SND1: variants seen among roughly 807,000 people sequenced by gnomAD.
SND1 encodes staphylococcal nuclease domain-containing protein 1.
In SND1, 38 loss-of-function variants were observed where a neutral mutation model predicts 121.7. That is an observed-to-expected ratio of 0.31 (90% confidence interval 0.24 to 0.41). The LOEUF (loss-of-function observed/expected upper bound fraction) is 0.41. SND1 is among the 10% of genes least tolerant of loss of function. SND1 has a pLI of 1.00. For synonymous variants in SND1, 401 were observed against 447.4 expected (o/e 0.90, Z 1.31); for missense variants, 868 against 1,184.6 (o/e 0.73, Z 3.92).
chr7:128,041,785 C>T (rs1792859106), intron 16 of SND1, among the ~76,000 whole-genome samples: 1 of 152,194 alleles, frequency 6.6e-6, no homozygotes, highest in South Asian at 2.1e-4. Flanking sequence ...CCACAGGTAA[C>T]ATGACCACCT....
chr7:128,019,297 A>C (rs960367498), intron 16 of SND1, among the ~76,000 whole-genome samples: 1 of 152,202 alleles, frequency 6.6e-6, no homozygotes, highest in Non-Finnish European at 1.5e-5. Flanking sequence ...CTCTTTGGTT[A>C]TCTTTCTCTC....
intron 16 of SND1, among the ~76,000 whole-genome samples, chr7:128,043,633 C>T (rs1332296663): frequency 1.3e-5 from 2 of 151,056 alleles, no homozygotes; most frequent in Admixed American, 6.6e-5. Flanking sequence ...AATGGTGGTG[C>T]TGACAGGCCT....
chr7:128,029,795 G>A lies in SND1; in HGVS notation c.1779+38739G>A. On this transcript the variant is annotated intron_variant, in intron 16 of 23. Transcript: ENST00000354725. The surrounding 1 kb of genome is among the most constrained non-coding windows in gnomAD (Gnocchi z 4.2). ...ACCTCAGCGGGGTAAAGAGGTCATG[G>A]GGCAAAGAAGAGAGGTTATTGTGGG... 6.2e-7 allele frequency: 1 copy of A among 1,613,918 alleles called. No homozygotes were observed. Among genetic ancestry groups the A allele is most frequent in the Non-Finnish European group, 8.5e-7 (1 of 1,180,032 alleles).
chr7:127,761,765 C>G (rs760134725), intron 10 of SND1, among the ~76,000 whole-genome samples: 1 of 152,168 alleles, frequency 6.6e-6, no homozygotes. Flanking sequence ...CTTATTTGCT[C>G]ATAGCCCTTG....
At chr7:127,911,788 C>T (rs563883963) in intron 14 of SND1, among the ~76,000 whole-genome samples, 1 of 152,314 alleles carries the variant, frequency 6.6e-6, no homozygotes, top group South Asian at 2.1e-4. Context: ...GCATGAGCCA[C>T]TGCATCCGGC....
At chr7:127,857,455 G>A (rs536857046) in intron 12 of SND1, among the ~76,000 whole-genome samples, 5 of 145,216 alleles carry the variant, frequency 3.4e-5, no homozygotes, top group East Asian at 4.0e-4. Flanking sequence ...CGCCCGCCTC[G>A]CCCTCCCAAA....
Position 128,085,285 on chromosome 7 carries a change from G to A in SND1, c.2235-426G>A, listed in dbSNP as rs536275177. ...AGTGCTCACAGGCCGGAAGAAGGTC[G>A]CTGATGTGTAATCTACCAAGGGAGG... On this transcript the variant is annotated intron_variant, in intron 19 of 23. Transcript: ENST00000354725. The surrounding 1 kb of genome is among the most constrained non-coding windows in gnomAD (Gnocchi z 4.4). Among the ~76,000 whole-genome samples the A allele has an allele frequency of 1.3e-5, 2 of 152,282 alleles. No individual in the cohort carries two copies. The highest frequency in any genetic ancestry group is 1.9e-4 in the East Asian group (1 of 5,170).
intron 16 of SND1, among the ~76,000 whole-genome samples, chr7:128,054,090 G>T (rs1359792529): frequency 6.6e-6 from 1 of 152,246 alleles, no homozygotes; most frequent in Non-Finnish European, 1.5e-5. Context: ...GCAGTACCCT[G>T]GGTCTCCTTT....
chr7:127,736,674 T>G (rs1234954381), intron 10 of SND1, among the ~76,000 whole-genome samples: 1 of 152,252 alleles, frequency 6.6e-6, no homozygotes, highest in African/African-American at 2.4e-5. Flanking sequence ...GTACACTCTC[T>G]AATCACCTAA....
rs146250421 is a variant in SND1 at position 127,862,639 on chromosome 7, A to C, written c.1343+18215A>C. On this transcript the variant is annotated intron_variant, in intron 12 of 23. Coordinates refer to ENST00000354725, the MANE Select transcript of SND1 (RefSeq NM_014390.4). ...TAATCCTGGTATTCTGGGATTTAAC[A>C]CTCACTGGCCAATGATGAAAACTTT... Among the ~76,000 whole-genome samples the C allele has an allele frequency of 4.5e-3, 685 of 152,324 alleles. 7 individuals are homozygous for C. Among genetic ancestry groups the C allele is most frequent in the African/African-American group, 0.016 (653 of 41,552 alleles).
chr7:127,938,436 G>C (rs1195362312), intron 15 of SND1, among the ~76,000 whole-genome samples: 1 of 152,164 alleles, frequency 6.6e-6, no homozygotes, highest in East Asian at 1.9e-4. Context: ...AAATATGAAA[G>C]AGCAGTTATC....
chr7:127,789,669 A>G (rs1222432763), intron 10 of SND1, among the ~76,000 whole-genome samples: 1 of 152,248 alleles, frequency 6.6e-6, no homozygotes, highest in East Asian at 1.9e-4. Context: ...CTAAAGCCTC[A>G]TCTTCAACTT....
chr7:128,077,673 A>G (rs1793529492), intron 17 of SND1, among the ~76,000 whole-genome samples: 1 of 152,140 alleles, frequency 6.6e-6, no homozygotes, highest in African/African-American at 2.4e-5. Context: ...CAGCTGGGAC[A>G]GCCTCTCCAC....
intron 16 of SND1, among the ~76,000 whole-genome samples, chr7:128,025,682 T>C (rs1262034691): frequency 6.6e-6 from 1 of 152,140 alleles, no homozygotes; most frequent in East Asian, 1.9e-4. Context: ...TATACCATGA[T>C]AGCAAAGGAA....
chr7:127,843,266 G>T lies in SND1; in HGVS notation c.1243-1058G>T, dbSNP rs544430823. Among the ~76,000 whole-genome samples the T allele has an allele frequency of 9.6e-4, 146 of 152,140 alleles. 1 individual carries two copies. The highest frequency in any genetic ancestry group is 3.4e-3 in the African/African-American group (140 of 41,496). On this transcript the variant is annotated intron_variant, in intron 11 of 23. Transcript: ENST00000354725. ...CATCATTATCACACAAAGTCCATAG[G>T]GTTTGTGCTTGGTGTTATATCATCT... is the stretch of plus-strand genomic sequence containing the variant.
chr7:127,804,274 G>A (rs2116569853), intron 10 of SND1, among the ~76,000 whole-genome samples: 1 of 152,268 alleles, frequency 6.6e-6, no homozygotes, highest in East Asian at 1.9e-4. Flanking sequence ...AGGGGTTAGA[G>A]TAACAAGATC....
Position 127,887,436 on chromosome 7 carries a change from A to G in SND1, c.1344-466A>G, listed in dbSNP as rs563791896. On this transcript the variant is annotated intron_variant, in intron 12 of 23. Transcript: ENST00000354725. ...AGAAACACTTCGTTATGTAAAACCAATGTTTCTAACGTTGCCAAACTAAAA... is the reference window on the plus strand; with the variant it reads ...AGAAACACTTCGTTATGTAAAACCAGTGTTTCTAACGTTGCCAAACTAAAA... 3.9e-5 allele frequency among the ~76,000 whole-genome samples: 6 copies of G among 152,220 alleles called. No individual in the cohort carries two copies. In the South Asian group the frequency reaches 1.0e-3, roughly 26 times the overall value.
chr7:128,073,009 T>C (rs1293604090), intron 16 of SND1, among the ~76,000 whole-genome samples: 1 of 152,150 alleles, frequency 6.6e-6, no homozygotes, highest in Non-Finnish European at 1.5e-5. Context: ...GCCCAGACTC[T>C]ACTAGTGAGC....
chr7:127,720,540 A>G (rs1190065801), intron 9 of SND1, among the ~76,000 whole-genome samples: 1 of 152,224 alleles, frequency 6.6e-6, no homozygotes, highest in Admixed American at 6.5e-5. Context: ...GAATGTTCTA[A>G]TAACCTTCAC....
Sources: gnomAD v4.1 joint callset for allele counts (sites outside exome capture counted in the v4.1 genomes callset) on GRCh38, gnomAD v4.1.1 for gene constraint, Gnocchi (gnomAD v3.1) non-coding constraint, MANE v1.5 for transcripts, NCBI Gene and HGNC (gene_info 2026-07-23, HGNC 2026-07-21) for gene names.